Variants in ACCSL observed in about 807,000 individuals in gnomAD.
ACCSL encodes the protein 1-aminocyclopropane-1-carboxylate synthase homolog (inactive) like, also known as probable inactive 1-aminocyclopropane-1-carboxylate synthase-like protein 2.
In ACCSL, 55 loss-of-function variants were observed where a neutral mutation model predicts 61.7. The ratio of observed to expected loss-of-function variants is 0.89; its 90% CI spans 0.72 to 1.12. The LOEUF is 1.12. Among genes scored for constraint, ACCSL ranks in the 50% most tolerant of loss-of-function variants. The probability of loss-of-function intolerance (pLI) is 0.00; values close to 1 mark genes in which losing one functional copy is unlikely to be tolerated. For missense variants in ACCSL, 632 were observed against 698.0 expected (o/e 0.91, Z 1.07); for synonymous variants, 258 against 264.3 (o/e 0.98, Z 0.23).
the ACCSL span, among the ~76,000 whole-genome samples, chr11:43,995,678 A>C: frequency 6.6e-6 from 1 of 152,168 alleles, no homozygotes; most frequent in Admixed American, 6.5e-5. Flanking sequence ...CCAAGTGGAC[A>C]GTGGTAGGTG....
At chr11:44,027,668 A>G in the ACCSL span, among the ~76,000 whole-genome samples, 23 of 152,196 alleles carry the variant, frequency 1.5e-4, no homozygotes, top group Non-Finnish European at 2.9e-4. Flanking sequence ...TTAAATGGTG[A>G]AGTCCTTTTC....
the ACCSL span, among the ~76,000 whole-genome samples, chr11:44,029,899 A>G: frequency 6.6e-6 from 1 of 150,920 alleles, no homozygotes; most frequent in African/African-American, 2.4e-5. Flanking sequence ...GTATAACATG[A>G]GGTTCTTGGA....
the ACCSL span, among the ~76,000 whole-genome samples, chr11:43,958,389 T>A: frequency 6.6e-6 from 1 of 152,204 alleles, no homozygotes; most frequent in Admixed American, 6.5e-5. Flanking sequence ...CGACTCCCTA[T>A]GAGTTCATCC....
chr11:44,007,576 G>T, the ACCSL span, among the ~76,000 whole-genome samples: 1 of 152,226 alleles, frequency 6.6e-6, no homozygotes, highest in South Asian at 2.1e-4. Flanking sequence ...TAGAGACAAG[G>T]CCTTGGGTCA....
chr11:44,023,186 G>C, the ACCSL span, among the ~76,000 whole-genome samples: 1 of 151,318 alleles, frequency 6.6e-6, no homozygotes, highest in Admixed American at 6.6e-5. Context: ...CAAGTAGCTG[G>C]GACTACAGGT....
chr11:43,942,367 TC>T, the ACCSL span: 1 of 215,084 alleles, frequency 4.6e-6, no homozygotes, highest in Non-Finnish European at 9.7e-6. Context: ...CGATTGAGGG[TC>T]CCTGTCCGGG....
intron 13 of ACCSL, among the ~76,000 whole-genome samples, chr11:44,059,193 G>T (rs1952691364): frequency 6.6e-6 from 1 of 152,340 alleles, no homozygotes; most frequent in Admixed American, 6.5e-5. Context: ...AGTGAGCTGA[G>T]ATTGCGCCAC....
chr11:44,053,490 C>G lies in ACCSL; in HGVS notation c.1033C>G (p.Leu345Val), dbSNP rs1225599039. 1.2e-6 allele frequency: 2 copies of G among 1,614,012 alleles called. No homozygotes were observed. Among genetic ancestry groups the G allele is most frequent in the South Asian group, 1.1e-5 (1 of 91,072 alleles). ...IYSPDSLMKY[L>V]EFAKRYNLHV... ...CTCCCCAGACTCACTGATGAAATAC[C>G]TGGAATTTGCCAAGAGGTATGAGTT... Residue 345 changes from leucine to valine, a missense_variant, in exon 8 of 14, where the codon CTG becomes GTG. Leu to Val is a conservative substitution (Grantham distance 32, BLOSUM62 1). Transcript: ENST00000378832.
At chr11:44,058,188 A>T in intron 11 of ACCSL, 129 bp from the exon 12 acceptor site, 1 of 1,203,468 alleles carries the variant, frequency 8.3e-7, no homozygotes, top group Non-Finnish European at 1.1e-6. Flanking sequence ...TTTTTTTTAA[A>T]AACAGACAAA....
the ACCSL span, among the ~76,000 whole-genome samples, chr11:43,932,671 G>A: frequency 9.9e-5 from 15 of 152,196 alleles, no homozygotes; most frequent in African/African-American, 2.7e-4. Context: ...CCAAGGCTTC[G>A]TGAAAGTCGT....
chr11:44,037,601 C>T, the ACCSL span, among the ~76,000 whole-genome samples: 2,838 of 152,250 alleles, frequency 0.019, 102 homozygotes, highest in African/African-American at 0.065. Flanking sequence ...TCAGGGTGCC[C>T]GCAGCAGAGA....
chr11:43,997,424 AT>A, the ACCSL span, among the ~76,000 whole-genome samples: 1 of 152,008 alleles, frequency 6.6e-6, no homozygotes, highest in Non-Finnish European at 1.5e-5. Context: ...AGTTTTTCCC[AT>A]GTGTTGGCTG....
the ACCSL span, among the ~76,000 whole-genome samples, chr11:44,008,686 C>T: frequency 1.2e-4 from 18 of 152,332 alleles, no homozygotes; most frequent in Admixed American, 3.3e-4. Context: ...TTCACTGCAG[C>T]GATGATAACA....
At chr11:43,939,065 T>C in the ACCSL span, among the ~76,000 whole-genome samples, 2 of 152,230 alleles carry the variant, frequency 1.3e-5, no homozygotes, top group African/African-American at 4.8e-5. Context: ...GTGTATCTCT[T>C]CTTGCAAACT....
the ACCSL span, among the ~76,000 whole-genome samples, chr11:44,012,052 G>T: frequency 0.18 from 27,138 of 151,970 alleles, 2,694 homozygotes; most frequent in East Asian, 0.29. Context: ...CTCCCTTCTA[G>T]CCTTTTTTCT....
the ACCSL span, among the ~76,000 whole-genome samples, chr11:44,037,516 TGA>T: frequency 6.6e-6 from 1 of 152,216 alleles, no homozygotes; most frequent in Non-Finnish European, 1.5e-5. Context: ...CTGGCTGGCC[TGA>T]GTTTTCTGCA....
At chr11:43,993,237 C>T in the ACCSL span, among the ~76,000 whole-genome samples, 2 of 152,150 alleles carry the variant, frequency 1.3e-5, no homozygotes, top group African/African-American at 4.8e-5. Context: ...ATTAGGTAGA[C>T]AGAAGGGCTG....
chr11:44,034,612 A>C, the ACCSL span, among the ~76,000 whole-genome samples: 2 of 152,168 alleles, frequency 1.3e-5, no homozygotes, highest in Non-Finnish European at 2.9e-5. Context: ...TAAAACCATC[A>C]GATCTCATGA....
intron 9 of ACCSL, 41 bp downstream of exon 9, chr11:44,055,332 G>A (rs760308052): frequency 1.3e-6 from 2 of 1,545,564 alleles, no homozygotes; most frequent in African/African-American, 1.4e-5. Flanking sequence ...AGAACCACAA[G>A]GTTCTTGTTT....
Sources: allele counts gnomAD v4.1 joint callset (sites outside exome capture counted in the v4.1 genomes callset), GRCh38; gene constraint gnomAD v4.1.1; transcripts MANE v1.5; gene names NCBI Gene and HGNC (gene_info 2026-07-23, HGNC 2026-07-21).